Variants in ADGRL3 observed in about 807,000 individuals in gnomAD.
ADGRL3 encodes adhesion G protein-coupled receptor L3.
Under a neutral mutation model 153.5 loss-of-function variants are expected in ADGRL3, and 62 were observed. The observed-to-expected ratio is 0.40, with a 90% confidence interval of 0.33 to 0.50. ADGRL3 has a LOEUF of 0.50. ADGRL3 is among the 20% of genes least tolerant of loss of function. ADGRL3 has a pLI of 0.47. For synonymous variants in ADGRL3, 710 were observed against 672.5 expected (o/e 1.06, Z -0.86); for missense variants, 1,641 against 1,859.4 (o/e 0.88, Z 2.16).
intron 6 of ADGRL3, among the ~76,000 whole-genome samples, chr4:61,714,617 G>A (rs1463841452): frequency 2.0e-5 from 3 of 152,082 alleles, no homozygotes; most frequent in Non-Finnish European, 4.4e-5. Flanking sequence ...TGCTGTGGAT[G>A]TCATACTGGT....
intron 11 of ADGRL3, among the ~76,000 whole-genome samples, chr4:61,901,489 A>G (rs528614595): frequency 2.0e-5 from 3 of 152,256 alleles, no homozygotes; most frequent in East Asian, 3.9e-4. Context: ...TTGCTTCTTT[A>G]TTTTATCAGA....
In ADGRL3 at chr4:61,473,457, G is replaced by A. The variant is rs2097995696; in HGVS notation, c.-173-23664G>A. On this transcript the variant is annotated intron_variant, in intron 2 of 26. Transcript: ENST00000683033. ...GGCAGTGAATATATAGTTAAGAGAA[G>A]TCTCTAGGATGAGACTCCCTGAATA... is the stretch of plus-strand genomic sequence containing the variant. Among the ~76,000 whole-genome samples the A allele has an allele frequency of 2.6e-5, 4 of 152,158 alleles. No individual in the cohort carries two copies. The East Asian group carries it at 7.8e-4, about 30-fold the overall frequency.
chr4:61,518,904 G>A (rs2098514005), intron 4 of ADGRL3, among the ~76,000 whole-genome samples: 1 of 152,038 alleles, frequency 6.6e-6, no homozygotes, highest in Non-Finnish European at 1.5e-5. Flanking sequence ...TTTCTAAATT[G>A]GATGGGCTTT....
chr4:61,557,149 A>G (rs1220753323), intron 4 of ADGRL3, among the ~76,000 whole-genome samples: 1 of 152,120 alleles, frequency 6.6e-6, no homozygotes, highest in Admixed American at 6.6e-5. Context: ...TTCAGGTGAA[A>G]AGTTTATAAA....
intron 13 of ADGRL3, among the ~76,000 whole-genome samples, chr4:61,920,321 A>G (rs944541650): frequency 3.3e-5 from 5 of 152,200 alleles, no homozygotes; most frequent in African/African-American, 1.2e-4. Context: ...AGCATTACAG[A>G]TTTAAGATCC....
chr4:61,587,664 G>A (rs949900090), intron 5 of ADGRL3, among the ~76,000 whole-genome samples: 1 of 152,028 alleles, frequency 6.6e-6, no homozygotes, highest in African/African-American at 2.4e-5. Flanking sequence ...TTCATGGTCT[G>A]CATGACATTG....
chr4:61,437,655 T>A (rs1260600373), intron 2 of ADGRL3, among the ~76,000 whole-genome samples: 2 of 152,196 alleles, frequency 1.3e-5, no homozygotes, highest in East Asian at 3.9e-4. Flanking sequence ...TTTCATCCTA[T>A]AATTCTCCTT....
intron 5 of ADGRL3, among the ~76,000 whole-genome samples, chr4:61,595,122 C>T (rs1021362366): frequency 5.3e-5 from 8 of 152,162 alleles, no homozygotes; most frequent in African/African-American, 1.9e-4. Flanking sequence ...GCCTAGACCT[C>T]GACTCAGGGA....
intron 9 of ADGRL3, among the ~76,000 whole-genome samples, chr4:61,824,183 T>C (rs779825756): frequency 6.6e-6 from 1 of 152,222 alleles, no homozygotes; most frequent in Non-Finnish European, 1.5e-5. Flanking sequence ...AAGAATGCAA[T>C]ATGACACAAG....
At chr4:62,067,302 C>G (rs1226133513) in intron 25 of ADGRL3, among the ~76,000 whole-genome samples, 2 of 151,950 alleles carry the variant, frequency 1.3e-5, no homozygotes, top group African/African-American at 2.4e-5. Context: ...TAGACAAAAT[C>G]AGCAAGAACA....
At chr4:62,001,714 A>G (rs930367703) in intron 21 of ADGRL3, among the ~76,000 whole-genome samples, 6 of 152,170 alleles carry the variant, frequency 3.9e-5, no homozygotes, top group African/African-American at 1.4e-4. Context: ...TCAAAATGGT[A>G]TAGTAAATGT....
intron 4 of ADGRL3, among the ~76,000 whole-genome samples, chr4:61,551,868 A>G (rs1000699084): frequency 6.6e-6 from 1 of 152,140 alleles, no homozygotes; most frequent in Non-Finnish European, 1.5e-5. Context: ...ATGACTGTAA[A>G]TGGCACTGTA....
At chr4:61,431,281 G>C (rs1442784336) in intron 2 of ADGRL3, among the ~76,000 whole-genome samples, 1 of 152,082 alleles carries the variant, frequency 6.6e-6, no homozygotes, top group Non-Finnish European at 1.5e-5. Context: ...CTATAAAATA[G>C]GACCAACCAA....
chr4:61,708,722 G>T (rs985422348), intron 6 of ADGRL3, among the ~76,000 whole-genome samples: 11 of 151,800 alleles, frequency 7.2e-5, no homozygotes, highest in Non-Finnish European at 1.3e-4. Flanking sequence ...ATTTATACGG[G>T]TTTTTTCAGC....
At chr4:61,909,502 A>C (rs987159525) in intron 11 of ADGRL3, 58 bp from the exon 12 acceptor site, 1 of 1,161,574 alleles carries the variant, frequency 8.6e-7, no homozygotes. Context: ...GTTGAAAGAA[A>C]GCAATAAAAG....
intron 8 of ADGRL3, among the ~76,000 whole-genome samples, chr4:61,755,464 T>A: frequency 6.6e-6 from 1 of 151,294 alleles, no homozygotes; most frequent in South Asian, 2.1e-4. Context: ...TTTGATGGGG[T>A]TGTTTGTTTT....
At chr4:61,644,298 G>T (rs1470265305) in intron 5 of ADGRL3, among the ~76,000 whole-genome samples, 2 of 146,650 alleles carry the variant, frequency 1.4e-5, no homozygotes, top group South Asian at 2.2e-4. Context: ...CTTCAGTTCT[G>T]CTCTGATTTT....
chr4:61,485,227 C>A (rs927880675), intron 2 of ADGRL3, among the ~76,000 whole-genome samples: 1 of 152,100 alleles, frequency 6.6e-6, no homozygotes, highest in Non-Finnish European at 1.5e-5. Flanking sequence ...CCGGTTGCTA[C>A]TGATACACTA....
At chr4:62,055,309 A>G (rs978667849) in intron 25 of ADGRL3, among the ~76,000 whole-genome samples, 2 of 151,858 alleles carry the variant, frequency 1.3e-5, no homozygotes, top group East Asian at 1.9e-4. Flanking sequence ...CTTAATCTGT[A>G]CTTTAGAGAA....
Sources: allele counts gnomAD v4.1 joint callset (sites outside exome capture counted in the v4.1 genomes callset), GRCh38; gene constraint gnomAD v4.1.1; transcripts MANE v1.5; gene names NCBI Gene and HGNC (gene_info 2026-07-23, HGNC 2026-07-21).